Variants in FAM107A observed in about 807,000 individuals in gnomAD.
FAM107A encodes actin-associated protein FAM107A.
FAM107A carries 19 observed loss-of-function variants against 13.7 expected under a neutral mutation model. The observed-to-expected ratio is 1.38, with a 90% CI of 0.97 to 2.03. The LOEUF is 2.03. Among genes scored for constraint, FAM107A ranks in the 30% most tolerant of loss-of-function variants. The probability of loss-of-function intolerance (pLI) is 0.00; values close to 1 mark genes in which losing one functional copy is unlikely to be tolerated. For synonymous variants in FAM107A, 82 were observed against 74.5 expected, an observed-to-expected ratio of 1.10 and a Z score of -0.52; for missense variants, 203 against 184.4, an observed-to-expected ratio of 1.10 and a Z score of -0.58.
Position 58,627,193 on chromosome 3 carries a change from C to A in FAM107A, c.-70+223G>T, listed in dbSNP as rs187863056. On this transcript the variant is annotated intron_variant, in intron 1 of 3. Coordinates refer to the FAM107A transcript ENST00000465970. ...CGGAGCGCCTCAGACAGGCTTAGGG[C>A]GATTGATCCTGACAGAGGGGCCAGT... 58 of 590,950 alleles carry A rather than the reference C, an allele frequency of 9.8e-5. No homozygotes were observed. In the African/African-American group the frequency reaches 9.8e-4, roughly 10 times the overall value. 36.6% of individuals were successfully genotyped at this position (590,950 alleles called of 1,614,324 possible).
chr3:58,615,340 A>C (rs140817766), intron 1 of FAM107A, among the ~76,000 whole-genome samples: 1 of 152,056 alleles, frequency 6.6e-6, no homozygotes, highest in East Asian at 1.9e-4. Flanking sequence ...AGTAAGTCTC[A>C]GTCTTCTTTT....
intron 1 of FAM107A, among the ~76,000 whole-genome samples, chr3:58,616,979 A>G (rs1384597308): frequency 1.3e-5 from 2 of 152,120 alleles, no homozygotes; most frequent in Non-Finnish European, 2.9e-5. Flanking sequence ...TCACTGTGTT[A>G]GCCAGGATGG....
In FAM107A at chr3:58,569,823, C is replaced by G. The variant is rs1372800934; in HGVS notation, c.38G>C (p.Gly13Ala). 6.2e-7 allele frequency: 1 copy of G among 1,614,024 alleles called. No individual in the cohort carries two copies. Among genetic ancestry groups the G allele is most frequent in the African/African-American group, 1.3e-5 (1 of 74,916 alleles). ...GTATTCTGGCCGGGCCATCAGGCCC[C>G]CAATGTCTGCCCGCTCCCTCTGGAT... ...SEIQRERADIGGLMARPEYRE... is the reference protein window; with the variant it reads ...SEIQRERADIAGLMARPEYRE... Residue 13 changes from glycine (G) to alanine (A), a missense_variant, in exon 2 of 4, where the codon GGG becomes GCG. Coordinates refer to ENST00000360997, the MANE Select transcript of FAM107A (RefSeq NM_001076778.3). The surrounding 1 kb of genome is among the most constrained non-coding windows in gnomAD (Gnocchi z 5.7).
chr3:58,587,648 T>G (rs1393713355), upstream of FAM107A, among the ~76,000 whole-genome samples: 1 of 151,890 alleles, frequency 6.6e-6, no homozygotes, highest in African/African-American at 2.4e-5. Context: ...AGGTTGAGGG[T>G]GGAGGCCTAT....
intron 1 of FAM107A, among the ~76,000 whole-genome samples, chr3:58,619,710 G>A (rs1211149881): frequency 6.6e-6 from 1 of 152,238 alleles, no homozygotes; most frequent in Non-Finnish European, 1.5e-5. Context: ...TGCACCCCAA[G>A]GGTGAGCCTA....
intron 1 of FAM107A, among the ~76,000 whole-genome samples, chr3:58,599,254 T>C (rs2065732423): frequency 6.6e-6 from 1 of 152,212 alleles, no homozygotes; most frequent in Non-Finnish European, 1.5e-5. Flanking sequence ...AATTTTTCAC[T>C]ATTACAAATA....
At chr3:58,574,010 C>G (rs145374225) in intron 1 of FAM107A, among the ~76,000 whole-genome samples, 230 of 152,292 alleles carry the variant, frequency 1.5e-3, no homozygotes, top group African/African-American at 5.3e-3. Flanking sequence ...GCAAATGCCT[C>G]GTACAGAGTT....
intron 1 of FAM107A, among the ~76,000 whole-genome samples, chr3:58,611,064 A>G (rs2364336): frequency 0.88 from 134,626 of 152,230 alleles, 59,580 homozygotes; most frequent in Admixed American, 0.91. Context: ...CCCTTTGCTC[A>G]GCACTTCTCC....
At chr3:58,596,607 A>T (rs1008898087) in intron 1 of FAM107A, among the ~76,000 whole-genome samples, 5 of 150,850 alleles carry the variant, frequency 3.3e-5, no homozygotes, top group African/African-American at 1.2e-4. Context: ...TGAACCTGGG[A>T]GGTGGAGGTT....
At chr3:58,578,491 T>G (rs921874332), upstream of FAM107A, among the ~76,000 whole-genome samples, 2 of 152,028 alleles carry the variant, frequency 1.3e-5, no homozygotes, top group African/African-American at 4.8e-5. Context: ...TTGCTTGAAC[T>G]TGGGAGGCAG....
intron 1 of FAM107A, among the ~76,000 whole-genome samples, chr3:58,612,238 C>A (rs7638743): frequency 0.91 from 139,228 of 152,162 alleles, 63,966 homozygotes; most frequent in Non-Finnish European, 0.96. Flanking sequence ...AGGGATTGGT[C>A]AAAAAAACTG....
At chr3:58,609,527 G>C (rs1209273811) in intron 1 of FAM107A, among the ~76,000 whole-genome samples, 1 of 152,166 alleles carries the variant, frequency 6.6e-6, no homozygotes, top group Non-Finnish European at 1.5e-5. Context: ...GAGCTGCTAT[G>C]CTCTAAAAAT....
upstream of FAM107A, among the ~76,000 whole-genome samples, chr3:58,591,867 A>T (rs2065657104): frequency 6.6e-6 from 1 of 152,180 alleles, no homozygotes; most frequent in Non-Finnish European, 1.5e-5. This position sits in a 1 kb window ranked among gnomAD's most constrained non-coding sequence, Gnocchi z 4.3. Context: ...ACATTCAATA[A>T]AGACTTATTG....
At chr3:58,581,027 C>T (rs2065533456), upstream of FAM107A, among the ~76,000 whole-genome samples, 1 of 152,224 alleles carries the variant, frequency 6.6e-6, no homozygotes, top group Non-Finnish European at 1.5e-5. Flanking sequence ...GAGGCGTTTA[C>T]TCCAGGTAAT....
intron 1 of FAM107A, among the ~76,000 whole-genome samples, chr3:58,597,500 A>G (rs2065717877): frequency 6.6e-6 from 1 of 152,214 alleles, no homozygotes; most frequent in Non-Finnish European, 1.5e-5. Context: ...ATGTCTCTAG[A>G]CGTCTTTATT....
chr3:58,616,130 G>A (rs1390427324), intron 1 of FAM107A, among the ~76,000 whole-genome samples: 5 of 152,088 alleles, frequency 3.3e-5, no homozygotes, highest in Non-Finnish European at 7.4e-5. Context: ...AACAGCTCTT[G>A]AAGGGTTTTA....
chr3:58,592,443 A>G (rs762234515), intron 1 of FAM107A, among the ~76,000 whole-genome samples: 2 of 152,090 alleles, frequency 1.3e-5, no homozygotes, highest in Non-Finnish European at 2.9e-5. Flanking sequence ...AAACTAAAAT[A>G]CCTCTTGGTC....
upstream of FAM107A, among the ~76,000 whole-genome samples, chr3:58,589,704 A>G (rs1160492980): frequency 2.0e-5 from 3 of 152,228 alleles, no homozygotes; most frequent in Non-Finnish European, 4.4e-5. Context: ...TGCATACTTT[A>G]TTCAGATTTC....
At chr3:58,627,155 C>T (rs1321557448) in intron 1 of FAM107A, 3 of 686,752 alleles carry the variant, frequency 4.4e-6, no homozygotes, top group Middle Eastern at 4.0e-4. Context: ...GCTTTCACAG[C>T]TGCTCCTAAG....
Sources: gnomAD v4.1 joint callset for allele counts (sites outside exome capture counted in the v4.1 genomes callset) on GRCh38, gnomAD v4.1.1 for gene constraint, Gnocchi (gnomAD v3.1) non-coding constraint, MANE v1.5 for transcripts, NCBI Gene and HGNC (gene_info 2026-07-23, HGNC 2026-07-21) for gene names.